The following WDPCP variants were observed in gnomAD, a reference collection of about 807,000 sequenced individuals.
WDPCP encodes the protein WD repeat-containing and planar cell polarity effector protein fritz homolog.
WDPCP carries 71 observed loss-of-function variants against 93.1 expected under a neutral mutation model. The ratio of observed to expected loss-of-function variants is 0.76; its 90% confidence interval spans 0.63 to 0.93. WDPCP has a LOEUF of 0.93. Among genes scored for constraint, WDPCP ranks in the 40% least tolerant of loss-of-function variants. The probability of loss-of-function intolerance (pLI) is 0.00; values close to 1 mark genes in which losing one functional copy is unlikely to be tolerated. For missense variants in WDPCP, 844 were observed against 887.4 expected, an observed-to-expected ratio of 0.95 and a Z score of 0.62; for synonymous variants, 315 against 315.0, an observed-to-expected ratio of 1.00 and a Z score of 0.00.
At chr2:63,556,555 C>CAATTCTGTCAA in intron 1 of WDPCP, among the ~76,000 whole-genome samples, 1 of 152,186 alleles carries the variant, frequency 6.6e-6, no homozygotes, top group Non-Finnish European at 1.5e-5. Context: ...CTTCTGAAGC[C>CAATTCTGTCAA]TATTTCTGTC....
intron 14 of WDPCP, among the ~76,000 whole-genome samples, chr2:63,223,623 A>G (rs1352120100): frequency 6.6e-6 from 1 of 152,138 alleles, no homozygotes; most frequent in African/African-American, 2.4e-5. Flanking sequence ...GGGCTATAGC[A>G]TGGCCAGGTA....
intron 15 of WDPCP, among the ~76,000 whole-genome samples, chr2:63,171,725 G>C (rs1264495045): frequency 6.6e-6 from 1 of 152,142 alleles, no homozygotes; most frequent in Non-Finnish European, 1.5e-5. Context: ...TGTCCACTTA[G>C]AAACTTAAAT....
intron 1 of WDPCP, among the ~76,000 whole-genome samples, chr2:63,822,234 T>G (rs1381122067): frequency 6.6e-6 from 1 of 152,176 alleles, no homozygotes. Context: ...ACACTGGAAA[T>G]AGCAATAGAC....
In WDPCP at chr2:63,500,454, G is replaced by GGT. The variant is rs35916043; in HGVS notation, c.76-7516_76-7515dup. On this transcript the variant is annotated intron_variant, in intron 1 of 17. Coordinates refer to ENST00000272321, the MANE Select transcript of WDPCP (RefSeq NM_015910.7). ...GCCTTGAAAGAGAAAATGGTGTGGG[G>GGT]GTGTGTGTGTGTGTGTGTGTGTGTG... Among the ~76,000 whole-genome samples, 497 of 149,568 alleles carry GGT rather than the reference G, an allele frequency of 3.3e-3. 3 individuals carry two copies. Among genetic ancestry groups the GGT allele is most frequent in the Middle Eastern group, 0.01 (3 of 290 alleles).
chr2:63,556,707 A>G (rs1706149748), intron 1 of WDPCP, among the ~76,000 whole-genome samples: 1 of 152,184 alleles, frequency 6.6e-6, no homozygotes, highest in East Asian at 1.9e-4. Flanking sequence ...ACCGCAAGAC[A>G]CATAATCATC....
chr2:63,810,970 C>T (rs931575758), intron 2 of WDPCP, among the ~76,000 whole-genome samples: 24 of 152,186 alleles, frequency 1.6e-4, no homozygotes, highest in Non-Finnish European at 4.4e-5. Context: ...AAATAGGAGA[C>T]AAGTGAGAAA....
intron 2 of WDPCP, among the ~76,000 whole-genome samples, chr2:63,709,647 T>C (rs373154661): frequency 6.6e-6 from 1 of 152,234 alleles, no homozygotes; most frequent in African/African-American, 2.4e-5. Context: ...AACATTGCTA[T>C]ATTTTCTTAT....
intron 14 of WDPCP, among the ~76,000 whole-genome samples, chr2:63,215,208 A>T (rs961935978): frequency 6.6e-6 from 1 of 152,212 alleles, no homozygotes; most frequent in Non-Finnish European, 1.5e-5. Context: ...GCATCATGCT[A>T]CCTGACTTCA....
chr2:63,147,984 A>C lies in WDPCP; in HGVS notation c.2190+4930T>G, dbSNP rs943749634. ...CTCTGTCTCAAAAAAAAAAAAAAAA[A>C]AAAACTTACAGCCTAGTGAAGGAGA... is the stretch of plus-strand genomic sequence containing the variant. On this transcript the variant is annotated intron_variant, in intron 17 of 17. Transcript: ENST00000272321. 3.3e-5 allele frequency among the ~76,000 whole-genome samples: 5 copies of C among 151,916 alleles called. No homozygotes were observed. The East Asian group carries it at 7.8e-4, about 24-fold the overall frequency.
chr2:63,672,712 CTTTATTTTATTTTAT>C (rs70965140), intron 2 of WDPCP, among the ~76,000 whole-genome samples: 3,371 of 113,136 alleles, frequency 0.03, 76 homozygotes, highest in African/African-American at 0.066. Flanking sequence ...TCACTGAAGC[CTTTATTTTATTTTAT>C]TTTATTTTAT....
intron 2 of WDPCP, chr2:63,752,333 A>C: frequency 1.3e-6 from 1 of 794,266 alleles, no homozygotes; most frequent in Non-Finnish European, 2.2e-6. Context: ...TTTCACAGTT[A>C]GGTGGGCACC....
chr2:63,256,168 T>G (rs2104751158), intron 14 of WDPCP, among the ~76,000 whole-genome samples: 1 of 152,136 alleles, frequency 6.6e-6, no homozygotes, highest in East Asian at 1.9e-4. Flanking sequence ...TTTTGTTTCT[T>G]TTTTTTCCTT....
intron 12 of WDPCP, among the ~76,000 whole-genome samples, chr2:63,370,602 T>C (rs1243708149): frequency 6.6e-6 from 1 of 152,174 alleles, no homozygotes; most frequent in Non-Finnish European, 1.5e-5. Flanking sequence ...TGTGCGAATA[T>C]AGCAATGGAA....
chr2:63,482,127 T>A (rs1443995286), intron 6 of WDPCP, among the ~76,000 whole-genome samples: 1 of 152,002 alleles, frequency 6.6e-6, no homozygotes, highest in East Asian at 1.9e-4. Context: ...AGATCCAACC[T>A]CAGATTGCAT....
chr2:63,837,721 C>A, the WDPCP span, among the ~76,000 whole-genome samples: 8 of 152,294 alleles, frequency 5.3e-5, no homozygotes, highest in Non-Finnish European at 1.2e-4. Context: ...TATAATTTGG[C>A]CCAGGTTCAT....
chr2:63,221,269 T>C (rs1677810255), intron 14 of WDPCP, among the ~76,000 whole-genome samples: 1 of 152,216 alleles, frequency 6.6e-6, no homozygotes, highest in Admixed American at 6.5e-5. Flanking sequence ...TTCATCTGAA[T>C]GGTGAATAGA....
At chr2:63,178,696 T>C (rs957250629) in intron 14 of WDPCP, among the ~76,000 whole-genome samples, 4 of 152,196 alleles carry the variant, frequency 2.6e-5, no homozygotes. Flanking sequence ...TTTTGTATTC[T>C]GTATTTCATT....
At chr2:63,447,383 A>C (rs1472156614) in intron 6 of WDPCP, among the ~76,000 whole-genome samples, 1 of 152,148 alleles carries the variant, frequency 6.6e-6, no homozygotes, top group Non-Finnish European at 1.5e-5. Context: ...TGTGTTATTC[A>C]GTATTTTTCT....
At chr2:63,651,820 AC>A (rs1447314069) in intron 2 of WDPCP, among the ~76,000 whole-genome samples, 1 of 152,236 alleles carries the variant, frequency 6.6e-6, no homozygotes, top group African/African-American at 2.4e-5. Flanking sequence ...ATGTAAAACT[AC>A]CCATCACAAC....
Sources: gnomAD v4.1 joint callset for allele counts (sites outside exome capture counted in the v4.1 genomes callset) on GRCh38, gnomAD v4.1.1 for gene constraint, MANE v1.5 for transcripts, NCBI Gene and HGNC (gene_info 2026-07-23, HGNC 2026-07-21) for gene names.